IGF1R: variants seen among roughly 807,000 people sequenced by gnomAD.
IGF1R encodes insulin-like growth factor 1 receptor.
IGF1R carries 44 observed loss-of-function variants against 144.6 expected under a neutral mutation model. That is an observed-to-expected ratio of 0.30 (90% CI 0.24 to 0.39). The LOEUF is 0.39. Ranked by LOEUF, IGF1R falls within the 10% of genes least tolerant of loss-of-function variation. The pLI is 1.00. For missense variants in IGF1R, 1,355 were observed against 1,833.7 expected (o/e 0.74, Z 4.77); for synonymous variants, 795 against 722.8 (o/e 1.10, Z -1.60).
At chr15:98,930,090 A>C in intron 14 of IGF1R, 145 bp from the exon 15 acceptor site, 1 of 705,674 alleles carries the variant, frequency 1.4e-6, no homozygotes, top group South Asian at 1.6e-5. Flanking sequence ...TGTAGACAAG[A>C]GCTGCTGTAG....
chr15:98,870,606 ATG>A (rs971178655), intron 2 of IGF1R, among the ~76,000 whole-genome samples: 1 of 152,014 alleles, frequency 6.6e-6, no homozygotes, highest in Non-Finnish European at 1.5e-5. Context: ...AAAGATGTGC[ATG>A]TGTGTGTGTG....
chr15:98,922,767 C>T (rs1248233489), intron 11 of IGF1R, among the ~76,000 whole-genome samples: 1 of 152,204 alleles, frequency 6.6e-6, no homozygotes, highest in Non-Finnish European at 1.5e-5. Context: ...TCGGGTTGCC[C>T]CCTCCTGAGC....
intron 1 of IGF1R, among the ~76,000 whole-genome samples, chr15:98,665,960 A>G (rs1017381022): frequency 2.0e-5 from 3 of 152,272 alleles, no homozygotes; most frequent in Admixed American, 6.5e-5. Context: ...GGTATTTGCA[A>G]GGAAAACAAA....
rs994490936 is a variant in IGF1R at position 98,961,973 on chromosome 15, G to A, written c.*4531G>A. On this transcript the variant is annotated 3_prime_UTR_variant, in exon 21 of 21. Coordinates refer to ENST00000650285, the MANE Select transcript of IGF1R (RefSeq NM_000875.5). ...AATGGCGAGATGCTCGGTGCACATT[G>A]GGGTGCTTTGGGATAAAAGATTTAT... The A allele has an allele frequency of 8.6e-6, 2 of 233,228 alleles. No individual in the cohort carries two copies. Among genetic ancestry groups the A allele is most frequent in the Non-Finnish European group, 1.7e-5 (2 of 118,078 alleles). 14.4% of individuals were successfully genotyped at this position (233,228 alleles called of 1,614,324 possible).
In IGF1R at chr15:98,963,628, G is replaced by A. The variant is rs73465768; in HGVS notation, c.*6186G>A. 1,966 of 233,240 alleles carry A rather than the reference G, an allele frequency of 8.4e-3. 37 individuals are homozygous for A. The highest frequency in any genetic ancestry group is 0.041 in the African/African-American group (1,844 of 45,418). 14.4% of individuals were successfully genotyped at this position (233,240 alleles called of 1,614,324 possible). A position where few individuals can be genotyped will look rare whatever the true frequency, so the allele number is the denominator to read the frequency against. ...TGACTGCACAGCCAATGGTTTTCAT[G>A]ATGATTACAGCATACACAGTGATCA... On this transcript the variant is annotated 3_prime_UTR_variant, in exon 21 of 21. Coordinates refer to ENST00000650285, the MANE Select transcript of IGF1R (RefSeq NM_000875.5).
At chr15:98,739,418 A>T (rs982941708) in intron 2 of IGF1R, among the ~76,000 whole-genome samples, 1 of 152,134 alleles carries the variant, frequency 6.6e-6, no homozygotes, top group African/African-American at 2.4e-5. Context: ...GAGTCAAAGT[A>T]TCACTGTGGA....
At chr15:98,756,361 A>G (rs1176802738) in intron 2 of IGF1R, among the ~76,000 whole-genome samples, 1 of 151,532 alleles carries the variant, frequency 6.6e-6, no homozygotes, top group African/African-American at 2.4e-5. Flanking sequence ...TTCAGAATAT[A>G]TTATAGTTGT....
chr15:98,821,608 A>G (rs973776692), intron 2 of IGF1R, among the ~76,000 whole-genome samples: 13 of 152,248 alleles, frequency 8.5e-5, no homozygotes, highest in African/African-American at 2.9e-4. Context: ...GAGATCCAGT[A>G]TGACTGCTCT....
intron 15 of IGF1R, among the ~76,000 whole-genome samples, chr15:98,932,916 A>G (rs1363218473): frequency 6.6e-6 from 1 of 152,262 alleles, no homozygotes; most frequent in Admixed American, 6.5e-5. Context: ...GGCCTAATTT[A>G]TAATAAACAT....
Position 98,953,421 on chromosome 15 carries a change from C to T in IGF1R, c.3723-3640C>T, listed in dbSNP as rs566509038. ...TGTACTTTAGATTGATGACAAAGCC[C>T]GTCCTCAGCCTTATTTCAGCCCAGA... On this transcript the variant is annotated intron_variant, in intron 20 of 20. Transcript: ENST00000650285. Among the ~76,000 whole-genome samples, 7 of 152,208 alleles carry T rather than the reference C, an allele frequency of 4.6e-5. No homozygotes were observed. The East Asian group carries it at 9.7e-4, about 21-fold the overall frequency.
chr15:98,962,087 C>G lies in IGF1R; in HGVS notation c.*4645C>G, dbSNP rs3743250. On this transcript the variant is annotated 3_prime_UTR_variant, in exon 21 of 21. Coordinates refer to ENST00000650285, the MANE Select transcript of IGF1R (RefSeq NM_000875.5). ...CAGTCCACCTCTGCAGGCTGGCAGC[C>G]GAATGGCTTGCCAGTGGCTCTGTGG... 1 of 233,134 alleles carries G rather than the reference C, an allele frequency of 4.3e-6. No homozygotes were observed. Among genetic ancestry groups the G allele is most frequent in the Non-Finnish European group, 8.5e-6 (1 of 118,026 alleles). 14.4% of individuals were successfully genotyped at this position (233,134 alleles called of 1,614,324 possible).
At chr15:98,823,919 A>G (rs1198874183) in intron 2 of IGF1R, among the ~76,000 whole-genome samples, 2 of 152,182 alleles carry the variant, frequency 1.3e-5, no homozygotes, top group Admixed American at 6.5e-5. Flanking sequence ...AAAGAGGGGG[A>G]AAAAAAGACT....
intron 1 of IGF1R, among the ~76,000 whole-genome samples, chr15:98,701,324 A>ATTT (rs10581900): frequency 1.4e-5 from 1 of 73,000 alleles, no homozygotes; most frequent in African/African-American, 6.3e-5. Flanking sequence ...AGCCTATCTC[A>ATTT]TTTTTTTTTT....
rs187745072 is a variant in IGF1R at position 98,664,608 on chromosome 15, G to A, written c.94+14933G>A. ...TGAACCTGGGAGGTGGAGGTTGGAGGTTGGAGGTTGGAGGTTGGAGGTTGC... is the reference window on the plus strand; with the variant it reads ...TGAACCTGGGAGGTGGAGGTTGGAGATTGGAGGTTGGAGGTTGGAGGTTGC... On this transcript the variant is annotated intron_variant, in intron 1 of 20. Coordinates refer to ENST00000650285, the MANE Select transcript of IGF1R (RefSeq NM_000875.5). Among the ~76,000 whole-genome samples the A allele has an allele frequency of 1.5e-3, 220 of 150,692 alleles. 1 individual carries two copies. The highest frequency in any genetic ancestry group is 5.1e-3 in the African/African-American group (207 of 40,790).
intron 2 of IGF1R, among the ~76,000 whole-genome samples, chr15:98,731,244 T>C (rs2054490160): frequency 6.6e-6 from 1 of 152,222 alleles, no homozygotes; most frequent in Non-Finnish European, 1.5e-5. Context: ...ATGGGATGTG[T>C]GAATCCTTTC....
chr15:98,785,095 AATTTTATGATTACAATTTTAAAATT>A (rs1404209688), intron 2 of IGF1R, among the ~76,000 whole-genome samples: 2 of 152,244 alleles, frequency 1.3e-5, no homozygotes, highest in African/African-American at 4.8e-5. Flanking sequence ...AGTAGTTTGT[AATTTTATGATTACAATTTTAAAATT>A]CAATTTTGCA....
intron 2 of IGF1R, among the ~76,000 whole-genome samples, chr15:98,744,505 G>GA (rs1408472745): frequency 6.6e-6 from 1 of 152,084 alleles, no homozygotes; most frequent in Non-Finnish European, 1.5e-5. Flanking sequence ...GTGCACAGGG[G>GA]AGGTGGGATG....
At chr15:98,908,546 G>C in intron 5 of IGF1R, 139 bp from the exon 6 acceptor site, 1 of 710,256 alleles carries the variant, frequency 1.4e-6, no homozygotes, top group South Asian at 1.5e-5. Context: ...CTCCTATAGT[G>C]TTAATAACTA....
At chr15:98,789,429 A>T (rs993167265) in intron 2 of IGF1R, among the ~76,000 whole-genome samples, 1 of 152,164 alleles carries the variant, frequency 6.6e-6, no homozygotes, top group Non-Finnish European at 1.5e-5. Flanking sequence ...AAATAATCCA[A>T]TGTCAGATTC....
Sources: allele counts gnomAD v4.1 joint callset (sites outside exome capture counted in the v4.1 genomes callset), GRCh38; gene constraint gnomAD v4.1.1; transcripts MANE v1.5; gene names NCBI Gene and HGNC (gene_info 2026-07-23, HGNC 2026-07-21).